LINGO2: variants seen among roughly 807,000 people sequenced by gnomAD.
LINGO2 encodes leucine rich repeat and Ig domain containing 2.
LINGO2 carries 14 observed loss-of-function variants against 30.6 expected under a neutral mutation model. The ratio of observed to expected loss-of-function variants is 0.46; its 90% confidence interval spans 0.30 to 0.72. The LOEUF (loss-of-function observed/expected upper bound fraction) is 0.72. LINGO2 is among the 30% of genes least tolerant of loss of function. The probability of loss-of-function intolerance (pLI) is 0.07; values close to 1 mark genes in which losing one functional copy is unlikely to be tolerated. For missense variants in LINGO2, 729 were observed against 751.7 expected, an observed-to-expected ratio of 0.97 and a Z score of 0.35; for synonymous variants, 317 against 288.5, an observed-to-expected ratio of 1.10 and a Z score of -1.00.
At chr9:28,346,830 G>C (rs930309278) in intron 3 of LINGO2, among the ~76,000 whole-genome samples, 2 of 151,380 alleles carry the variant, frequency 1.3e-5, no homozygotes, top group African/African-American at 4.9e-5. Flanking sequence ...CCACATGTAT[G>C]CCTTCTTAGA....
At chr9:29,154,760 C>G in the LINGO2 span, among the ~76,000 whole-genome samples, 3 of 152,164 alleles carry the variant, frequency 2.0e-5, no homozygotes, top group African/African-American at 7.2e-5. Flanking sequence ...GAAAAGGAAG[C>G]TGCTACTATA....
At chr9:28,767,708 C>A in the LINGO2 span, among the ~76,000 whole-genome samples, 1 of 149,366 alleles carries the variant, frequency 6.7e-6, no homozygotes, top group African/African-American at 2.5e-5. Context: ...ATGGCGTGAA[C>A]CTGGGAGGCG....
the LINGO2 span, among the ~76,000 whole-genome samples, chr9:29,154,883 A>G: frequency 2.6e-5 from 4 of 152,174 alleles, no homozygotes; most frequent in African/African-American, 9.7e-5. Context: ...CTCTAGTACA[A>G]AAATCCACAT....
chr9:28,595,474 A>C (rs1825130843), intron 1 of LINGO2, among the ~76,000 whole-genome samples: 1 of 152,102 alleles, frequency 6.6e-6, no homozygotes, highest in Admixed American at 6.6e-5. Context: ...TGCAGCCTGG[A>C]AATTCTACTA....
intron 1 of LINGO2, among the ~76,000 whole-genome samples, chr9:28,619,227 T>C (rs1376679492): frequency 2.0e-5 from 3 of 152,166 alleles, no homozygotes; most frequent in African/African-American, 7.2e-5. Context: ...TGCTGATGTA[T>C]GTAACACACC....
At chr9:28,224,636 T>A (rs1821085042) in intron 4 of LINGO2, among the ~76,000 whole-genome samples, 1 of 152,196 alleles carries the variant, frequency 6.6e-6, no homozygotes, top group African/African-American at 2.4e-5. Flanking sequence ...TGTACCCATT[T>A]TTCCTCTCTT....
At chr9:29,081,220 T>G in the LINGO2 span, among the ~76,000 whole-genome samples, 1 of 152,062 alleles carries the variant, frequency 6.6e-6, no homozygotes, top group African/African-American at 2.4e-5. Flanking sequence ...TCAAAAAGCT[T>G]ATCCACCATG....
intron 2 of LINGO2, among the ~76,000 whole-genome samples, chr9:28,382,626 T>C (rs1171365364): frequency 1.3e-5 from 2 of 152,108 alleles, no homozygotes; most frequent in African/African-American, 2.4e-5. Context: ...AAAATCTTCA[T>C]ACAGGATATT....
At chr9:28,942,798 TG>T in the LINGO2 span, among the ~76,000 whole-genome samples, 1 of 152,110 alleles carries the variant, frequency 6.6e-6, no homozygotes, top group Non-Finnish European at 1.5e-5. Flanking sequence ...AGTGAGCAAA[TG>T]GGGGGCTACT....
At position 28,260,081 on chromosome 9, in the gene LINGO2, G is replaced by A. The variant is rs936848237; in HGVS notation, c.-87+35127C>T. Among the ~76,000 whole-genome samples the A allele has an allele frequency of 3.3e-5, 5 of 151,830 alleles. No homozygotes were observed. In the South Asian group the frequency reaches 8.3e-4, roughly 25 times the overall value. Reference sequence around the variant, plus strand: ...TGAGCAATGGGCTCATCTGTACTGAGATGGAATGGACCTGACTTGAAAAAA... The same window carrying A: ...TGAGCAATGGGCTCATCTGTACTGAAATGGAATGGACCTGACTTGAAAAAA... On this transcript the variant is annotated intron_variant, in intron 4 of 5. Transcript: ENST00000379992.
chr9:28,139,367 G>A (rs1219430479), intron 4 of LINGO2, among the ~76,000 whole-genome samples: 3 of 152,172 alleles, frequency 2.0e-5, no homozygotes, highest in Non-Finnish European at 4.4e-5. Context: ...GTGGAATAAA[G>A]TATCCTTAAC....
intron 4 of LINGO2, among the ~76,000 whole-genome samples, chr9:28,254,382 CCA>C (rs1564077209): frequency 1.3e-5 from 2 of 152,030 alleles, no homozygotes; most frequent in East Asian, 3.9e-4. Flanking sequence ...TTGCCCCTAA[CCA>C]CGCTCTCTCA....
At chr9:28,233,073 T>C (rs1821429161) in intron 4 of LINGO2, among the ~76,000 whole-genome samples, 1 of 138,094 alleles carries the variant, frequency 7.2e-6, no homozygotes, top group Admixed American at 7.3e-5. Context: ...AGATATATAA[T>C]AGATATACAG....
chr9:28,778,462 C>T, the LINGO2 span, among the ~76,000 whole-genome samples: 695 of 152,250 alleles, frequency 4.6e-3, 5 homozygotes, highest in African/African-American at 0.016. Flanking sequence ...CTTACTACTA[C>T]AAATGCATCA....
chr9:27,989,231 C>A lies in LINGO2; in HGVS notation c.-36+23124G>T, dbSNP rs553744336. ...TCCCATCAAGGGTCTGCTCATCATC[C>A]TCTGCTAGTCTTCTGATTTATTATT... On this transcript the variant is annotated intron_variant, in intron 5 of 5. Transcript: ENST00000379992. 2.0e-5 allele frequency among the ~76,000 whole-genome samples: 3 copies of A among 152,022 alleles called. No individual in the cohort carries two copies. In the South Asian group the frequency reaches 6.2e-4, roughly 32 times the overall value.
At chr9:28,793,735 T>C in the LINGO2 span, among the ~76,000 whole-genome samples, 6 of 152,190 alleles carry the variant, frequency 3.9e-5, no homozygotes, top group African/African-American at 1.4e-4. Context: ...GTCTTTTCTA[T>C]TCAAAGTGTA....
At chr9:28,777,887 T>TA in the LINGO2 span, among the ~76,000 whole-genome samples, 1 of 152,208 alleles carries the variant, frequency 6.6e-6, no homozygotes, top group Non-Finnish European at 1.5e-5. Flanking sequence ...TATTTCATTT[T>TA]AAAATCCTGA....
chr9:28,926,096 T>A, the LINGO2 span, among the ~76,000 whole-genome samples: 1 of 152,128 alleles, frequency 6.6e-6, no homozygotes, highest in African/African-American at 2.4e-5. Context: ...TGGCGGATCA[T>A]GAGGTCAGGA....
chr9:28,097,709 T>G (rs1352753252), intron 4 of LINGO2, among the ~76,000 whole-genome samples: 1 of 136,166 alleles, frequency 7.3e-6, no homozygotes, highest in African/African-American at 2.7e-5. Flanking sequence ...GGGGGAGGGA[T>G]AGCATTAGGA....
Sources: allele counts gnomAD v4.1 joint callset (sites outside exome capture counted in the v4.1 genomes callset), GRCh38; gene constraint gnomAD v4.1.1; transcripts MANE v1.5; gene names NCBI Gene and HGNC (gene_info 2026-07-23, HGNC 2026-07-21).